The following TMEM117 variants were observed in gnomAD, a reference collection of about 807,000 sequenced individuals.
TMEM117 encodes the protein transmembrane protein 117.
A neutral mutation model predicts 52.4 loss-of-function variants in TMEM117; 27 were observed. The ratio of observed to expected loss-of-function variants is 0.51; its 90% confidence interval spans 0.38 to 0.71. The LOEUF (loss-of-function observed/expected upper bound fraction) is 0.71, where lower values mean the gene tolerates loss of function less well. Among genes scored for constraint, TMEM117 ranks in the 30% least tolerant of loss-of-function variants. TMEM117 has a pLI of 0.00. For synonymous variants in TMEM117, 215 were observed against 206.3 expected (o/e 1.04, Z -0.36); for missense variants, 556 against 630.5 (o/e 0.88, Z 1.26).
At chr12:44,339,913 T>C (rs1307114422) in intron 6 of TMEM117, among the ~76,000 whole-genome samples, 1 of 151,994 alleles carries the variant, frequency 6.6e-6, no homozygotes, top group Non-Finnish European at 1.5e-5. Flanking sequence ...CTGACAATTC[T>C]ACATTTAAAG....
chr12:44,043,465 G>T (rs987672210), intron 3 of TMEM117, among the ~76,000 whole-genome samples: 1 of 152,144 alleles, frequency 6.6e-6, no homozygotes, highest in Non-Finnish European at 1.5e-5. Flanking sequence ...CACTGAGTTT[G>T]TAAACGCTGA....
intron 5 of TMEM117, among the ~76,000 whole-genome samples, chr12:44,224,061 C>T (rs985697647): frequency 6.6e-6 from 1 of 152,070 alleles, no homozygotes; most frequent in African/African-American, 2.4e-5. Flanking sequence ...GCCCTTATAG[C>T]TTCCCTTCTA....
At chr12:43,952,525 C>A (rs1174769392) in intron 3 of TMEM117, among the ~76,000 whole-genome samples, 1 of 151,622 alleles carries the variant, frequency 6.6e-6, no homozygotes, top group Admixed American at 6.6e-5. Context: ...ACTGACCAAG[C>A]AGAAGAGAGA....
intron 3 of TMEM117, among the ~76,000 whole-genome samples, chr12:43,988,448 A>T (rs1592418524): frequency 6.6e-6 from 1 of 152,262 alleles, no homozygotes; most frequent in East Asian, 1.9e-4. Context: ...ATTAAATTAC[A>T]TTCATATGGT....
At chr12:43,990,334 A>G (rs1184864777) in intron 3 of TMEM117, among the ~76,000 whole-genome samples, 1 of 152,154 alleles carries the variant, frequency 6.6e-6, no homozygotes, top group South Asian at 2.1e-4. Flanking sequence ...ACACTATTTT[A>G]TTATCCAAAA....
At chr12:44,214,219 C>T (rs562704746) in intron 5 of TMEM117, among the ~76,000 whole-genome samples, 2 of 146,230 alleles carry the variant, frequency 1.4e-5, no homozygotes, top group East Asian at 4.1e-4. Context: ...AGTCTCGGCT[C>T]ACTGCAGCCT....
chr12:43,906,566 C>T (rs1209944806), intron 2 of TMEM117, among the ~76,000 whole-genome samples: 1 of 152,166 alleles, frequency 6.6e-6, no homozygotes, highest in Admixed American at 6.5e-5. Flanking sequence ...GTGATTTCTG[C>T]ATTTCCATCT....
At chr12:44,185,869 T>TACACAC (rs3065433) in intron 4 of TMEM117, among the ~76,000 whole-genome samples, 2,017 of 135,092 alleles carry the variant, frequency 0.015, 25 homozygotes, top group Non-Finnish European at 0.021. Flanking sequence ...CTAAAAGACA[T>TACACAC]ACACACACAC....
At chr12:44,078,321 C>T (rs1424107850) in intron 3 of TMEM117, among the ~76,000 whole-genome samples, 1 of 152,090 alleles carries the variant, frequency 6.6e-6, no homozygotes, top group Non-Finnish European at 1.5e-5. Flanking sequence ...ACAATAAAAC[C>T]ATATCAAGTA....
At chr12:43,849,146 C>A (rs1166829361) in intron 2 of TMEM117, among the ~76,000 whole-genome samples, 1 of 152,142 alleles carries the variant, frequency 6.6e-6, no homozygotes, top group Admixed American at 6.5e-5. Context: ...AGCATCATGT[C>A]CTACATAGTA....
chr12:44,078,875 C>A (rs547170197), intron 3 of TMEM117, among the ~76,000 whole-genome samples: 5 of 145,518 alleles, frequency 3.4e-5, no homozygotes, highest in Non-Finnish European at 6.0e-5. Flanking sequence ...CCCCCACCCC[C>A]CAACAGGCCC....
intron 3 of TMEM117, among the ~76,000 whole-genome samples, chr12:44,000,800 C>T (rs1291758675): frequency 6.6e-6 from 1 of 152,120 alleles, no homozygotes; most frequent in Non-Finnish European, 1.5e-5. Flanking sequence ...GTGGGGACAG[C>T]GTGCAAGGTG....
intron 4 of TMEM117, among the ~76,000 whole-genome samples, chr12:44,168,795 C>T (rs1949005325): frequency 6.6e-6 from 1 of 152,150 alleles, no homozygotes; most frequent in South Asian, 2.1e-4. Context: ...ACCGGAACCA[C>T]CATTCATCTC....
intron 5 of TMEM117, among the ~76,000 whole-genome samples, chr12:44,252,279 G>A (rs1018242872): frequency 3.3e-5 from 5 of 152,174 alleles, no homozygotes; most frequent in African/African-American, 1.2e-4. Flanking sequence ...GCCGAGGTAG[G>A]CGGATCACTT....
chr12:44,352,846 T>C (rs1000130079), intron 6 of TMEM117, among the ~76,000 whole-genome samples: 5 of 152,176 alleles, frequency 3.3e-5, no homozygotes, highest in African/African-American at 4.8e-5. Context: ...GTATTTCTAA[T>C]TCTAGATCCC....
rs1950249419 is a variant in TMEM117 at position 44,255,476 on chromosome 12, A to G, written c.608+44089A>G. 3.3e-5 allele frequency among the ~76,000 whole-genome samples: 5 copies of G among 152,324 alleles called. No homozygotes were observed. In the South Asian group the frequency reaches 1.0e-3, roughly 32 times the overall value. The stretch of plus-strand genomic sequence containing the variant: ...CTGACATATAACACTGACATATATG[A>G]CATATAGTAACTAAATGTCTAATAA... On this transcript the variant is annotated intron_variant, in intron 5 of 7. Transcript: ENST00000266534.
intron 2 of TMEM117, among the ~76,000 whole-genome samples, chr12:43,871,819 A>G (rs1339710971): frequency 6.6e-6 from 1 of 152,216 alleles, no homozygotes; most frequent in Non-Finnish European, 1.5e-5. Flanking sequence ...TGTTCACAGC[A>G]CAGTACTAGG....
intron 4 of TMEM117, among the ~76,000 whole-genome samples, chr12:44,174,865 T>C (rs544736214): frequency 6.6e-6 from 1 of 152,302 alleles, no homozygotes; most frequent in South Asian, 2.1e-4. Flanking sequence ...AAAGTGGTGA[T>C]GCCTGAAGAA....
At chr12:44,305,751 A>G (rs1950895728) in intron 6 of TMEM117, among the ~76,000 whole-genome samples, 1 of 152,210 alleles carries the variant, frequency 6.6e-6, no homozygotes, top group Admixed American at 6.5e-5. Context: ...CAGTTTGGAG[A>G]TCTCTCAAAC....
Sources: gnomAD v4.1 joint callset for allele counts (sites outside exome capture counted in the v4.1 genomes callset) on GRCh38, gnomAD v4.1.1 for gene constraint, MANE v1.5 for transcripts, NCBI Gene and HGNC (gene_info 2026-07-23, HGNC 2026-07-21) for gene names.